The following CSGALNACT2 variants were observed in gnomAD, a reference collection of about 807,000 sequenced individuals.
CSGALNACT2 encodes the protein chondroitin sulfate N-acetylgalactosaminyltransferase 2.
A neutral mutation model predicts 55.3 loss-of-function variants in CSGALNACT2; 35 were observed. The ratio of observed to expected loss-of-function variants is 0.63; its 90% CI spans 0.48 to 0.84. The LOEUF is 0.84. CSGALNACT2 is among the 40% of genes least tolerant of loss of function. The pLI, the probability that CSGALNACT2 is intolerant of heterozygous loss-of-function variation, is 0.00. For synonymous variants in CSGALNACT2, 196 were observed against 224.9 expected, an observed-to-expected ratio of 0.87 and a Z score of 1.15; for missense variants, 544 against 657.5, an observed-to-expected ratio of 0.83 and a Z score of 1.89.
intron 7 of CSGALNACT2, 83 bp from the exon 8 acceptor site, chr10:43,183,167 C>G: frequency 9.2e-7 from 1 of 1,089,736 alleles, no homozygotes; most frequent in East Asian, 2.4e-5. Context: ...CCTTTTGAAG[C>G]AGAACATTTA....
intron 1 of CSGALNACT2, among the ~76,000 whole-genome samples, chr10:43,145,410 C>CTTTTTTTGTTTTTTTTT (rs1838723728): frequency 1.0e-5 from 1 of 99,420 alleles, no homozygotes; most frequent in African/African-American, 3.9e-5. Flanking sequence ...TTGTTTGTTT[C>CTTTTTTTGTTTTTTTTT]TTTTTTTTTT....
intron 7 of CSGALNACT2, among the ~76,000 whole-genome samples, chr10:43,179,230 C>T (rs949401147): frequency 6.7e-6 from 1 of 148,562 alleles, no homozygotes; most frequent in East Asian, 1.9e-4. Flanking sequence ...CTAACACAGG[C>T]AGTTTTTGTT....
intron 1 of CSGALNACT2, among the ~76,000 whole-genome samples, chr10:43,138,881 C>G (rs1401172962): frequency 6.6e-6 from 1 of 152,206 alleles, no homozygotes; most frequent in Non-Finnish European, 1.5e-5. Context: ...ACCTCGTCAT[C>G]GCGTTAAAAT....
chr10:43,139,992 G>A (rs1416049339), intron 1 of CSGALNACT2, among the ~76,000 whole-genome samples: 3 of 152,106 alleles, frequency 2.0e-5, no homozygotes, highest in East Asian at 3.9e-4. Context: ...TCAGGAGTTC[G>A]AGACCAGCCT....
At chr10:43,143,200 C>T (rs2133088413) in intron 1 of CSGALNACT2, among the ~76,000 whole-genome samples, 1 of 152,296 alleles carries the variant, frequency 6.6e-6, no homozygotes, top group Admixed American at 6.5e-5. Context: ...ATATTTGCAA[C>T]ATGGTAACAC....
chr10:43,179,791 T>C (rs1201941841), intron 7 of CSGALNACT2, among the ~76,000 whole-genome samples: 1 of 152,240 alleles, frequency 6.6e-6, no homozygotes, highest in African/African-American at 2.4e-5. Flanking sequence ...TTAGCTGGCC[T>C]ACAGTTTAGC....
intron 7 of CSGALNACT2, among the ~76,000 whole-genome samples, chr10:43,180,133 A>G (rs1226894153): frequency 6.6e-6 from 1 of 152,080 alleles, no homozygotes; most frequent in Non-Finnish European, 1.5e-5. Flanking sequence ...TGGAGCCTCC[A>G]CCCTGTTGCT....
At position 43,183,436 on chromosome 10, in the gene CSGALNACT2, T is replaced by A; in HGVS notation, c.1523T>A (p.Met508Lys). 1 of 1,614,150 alleles carries A rather than the reference T, an allele frequency of 6.2e-7. No homozygotes were observed. Among genetic ancestry groups the A allele is most frequent in the Non-Finnish European group, 8.5e-7 (1 of 1,180,028 alleles). The change falls in exon 8 of 8, where the codon ATG becomes AAG. Residue 508 changes from methionine (M) to lysine (K), a missense_variant. By Grantham distance (95) the Met-to-Lys change is moderately conservative (BLOSUM62 -1). Around this residue, in one of 2 missense-constraint regions of CSGALNACT2, gnomAD observed 170 missense variants for 256.2 expected, o/e 0.66. Coordinates refer to ENST00000374466, the MANE Select transcript of CSGALNACT2 (RefSeq NM_018590.5). ...QYRMCIQSKA[M>K]NEASHSHLGM... ...CGCATGTGCATCCAGTCTAAAGCCA[T>A]GAATGAGGCCTCTCACTCCCACCTG...
chr10:43,170,692 C>G (rs1223314163), intron 6 of CSGALNACT2, among the ~76,000 whole-genome samples: 1 of 152,176 alleles, frequency 6.6e-6, no homozygotes, highest in Non-Finnish European at 1.5e-5. Flanking sequence ...GTAGGTGGAA[C>G]TAGGGGACTC....
chr10:43,143,083 T>A (rs1328352033), intron 1 of CSGALNACT2, among the ~76,000 whole-genome samples: 1 of 152,240 alleles, frequency 6.6e-6, no homozygotes, highest in Non-Finnish European at 1.5e-5. Flanking sequence ...AGTTTACATA[T>A]ATTATGGAAT....
chr10:43,158,403 CTTTA>C (rs908258583), intron 2 of CSGALNACT2, among the ~76,000 whole-genome samples: 1 of 149,272 alleles, frequency 6.7e-6, no homozygotes, highest in Non-Finnish European at 1.5e-5. Context: ...GAAGTAATTT[CTTTA>C]TTTATCATGA....
At chr10:43,158,191 GAT>G (rs71016731) in intron 2 of CSGALNACT2, among the ~76,000 whole-genome samples, 124,801 of 150,810 alleles carry the variant, frequency 0.83, 52,116 homozygotes, top group African/African-American at 0.9. Context: ...TATATATACA[GAT>G]ATATATATAT....
chr10:43,178,130 T>C (rs1588915049), intron 7 of CSGALNACT2, among the ~76,000 whole-genome samples: 1 of 152,210 alleles, frequency 6.6e-6, no homozygotes, highest in East Asian at 1.9e-4. Context: ...TTCTTGAATA[T>C]GTACATTAAT....
At chr10:43,166,054 CCTT>C (rs894984943) in intron 5 of CSGALNACT2, among the ~76,000 whole-genome samples, 6 of 151,938 alleles carry the variant, frequency 3.9e-5, no homozygotes, top group African/African-American at 7.3e-5. Flanking sequence ...CAAATGATTG[CCTT>C]CTTATTAATT....
At chr10:43,140,861 A>G (rs1838605306) in intron 1 of CSGALNACT2, among the ~76,000 whole-genome samples, 2 of 152,388 alleles carry the variant, frequency 1.3e-5, no homozygotes, top group South Asian at 2.1e-4. Flanking sequence ...ATGTGAACAC[A>G]CAACAAAAAT....
intron 6 of CSGALNACT2, among the ~76,000 whole-genome samples, chr10:43,167,689 A>G (rs972096598): frequency 1.3e-5 from 2 of 152,154 alleles, no homozygotes; most frequent in African/African-American, 4.8e-5. Context: ...ACCATGGTAC[A>G]TTTGTCAAAG....
chr10:43,167,130 CT>C (rs765068158), intron 6 of CSGALNACT2, 32 bp downstream of exon 6: 2 of 1,317,624 alleles, frequency 1.5e-6, no homozygotes, highest in East Asian at 4.6e-5. Flanking sequence ...TTATGAAAGA[CT>C]CTAAAGATCT....
intron 7 of CSGALNACT2, among the ~76,000 whole-genome samples, chr10:43,178,131 G>A (rs1228909471): frequency 6.6e-6 from 1 of 152,094 alleles, no homozygotes; most frequent in Non-Finnish European, 1.5e-5. Context: ...TCTTGAATAT[G>A]TACATTAATG....
intron 6 of CSGALNACT2, among the ~76,000 whole-genome samples, chr10:43,171,646 C>T (rs141095669): frequency 8.1e-4 from 124 of 152,244 alleles, no homozygotes; most frequent in African/African-American, 2.8e-3. Context: ...CCACCGCACC[C>T]GGCCAAAGCA....
Sources: gnomAD v4.1 joint callset for allele counts (sites outside exome capture counted in the v4.1 genomes callset) on GRCh38, gnomAD v4.1.1 for gene constraint, gnomAD v4.1.1 regional missense constraint, MANE v1.5 for transcripts, NCBI Gene and HGNC (gene_info 2026-07-23, HGNC 2026-07-21) for gene names.